Variants in CPLX2 observed in about 807,000 individuals in gnomAD.
The protein encoded by CPLX2 is complexin-2.
CPLX2 carries 5 observed loss-of-function variants against 16.3 expected under a neutral mutation model. That is an observed-to-expected ratio of 0.31 (90% CI 0.16 to 0.64). The LOEUF is 0.64. Ranked by LOEUF, CPLX2 falls within the 30% of genes least tolerant of loss-of-function variation. The pLI, the probability that CPLX2 is intolerant of heterozygous loss-of-function variation, is 0.79. For missense variants in CPLX2, 144 were observed against 181.4 expected (o/e 0.79, Z 1.18); for synonymous variants, 89 against 73.2 (o/e 1.22, Z -1.10).
At chr5:175,808,580 G>GA (rs1758255823) in intron 1 of CPLX2, among the ~76,000 whole-genome samples, 2 of 152,256 alleles carry the variant, frequency 1.3e-5, no homozygotes, top group South Asian at 4.2e-4. Flanking sequence ...CCATTTTACA[G>GA]ATGAGGACAC....
In CPLX2 at chr5:175,830,973, G is replaced by A. The variant is rs1758725485; in HGVS notation, c.-89+21905G>A. Among the ~76,000 whole-genome samples the A allele has an allele frequency of 6.6e-6, 1 of 152,236 alleles. No homozygotes were observed. The highest frequency in any genetic ancestry group is 1.5e-5 in the Non-Finnish European group (1 of 68,050). The stretch of plus-strand genomic sequence containing the variant: ...CACAGTTGTGTCAGTGCGATTGTGA[G>A]CATGGCTGGGGGTGCGCGTGTGTGC... On this transcript the variant is annotated intron_variant, in intron 2 of 4. Coordinates refer to the CPLX2 transcript ENST00000359546. This position sits in a 1 kb window ranked among gnomAD's most constrained non-coding sequence, Gnocchi z 4.0.
intron 2 of CPLX2, among the ~76,000 whole-genome samples, chr5:175,834,199 G>A (rs900036235): frequency 1.3e-5 from 2 of 152,208 alleles, no homozygotes; most frequent in Admixed American, 1.3e-4. Flanking sequence ...GTCCACAAAT[G>A]TAAAATGGGG....
In CPLX2 at chr5:175,849,912, C is replaced by T. The variant is rs1460856788; in HGVS notation, c.-88-28740C>T. On this transcript the variant is annotated intron_variant, in intron 2 of 4. Transcript: ENST00000359546. The surrounding 1 kb of genome is among the most constrained non-coding windows in gnomAD (Gnocchi z 4.4). ...TAATGGAATTGTCCCTTTGGGGGAA[C>T]GACCGTGTGACTCTGAGCATGAGAA... Among the ~76,000 whole-genome samples, 2 of 152,202 alleles carry T rather than the reference C, an allele frequency of 1.3e-5. No homozygotes were observed. The highest frequency in any genetic ancestry group is 2.1e-4 in the South Asian group (1 of 4,828).
intron 2 of CPLX2, among the ~76,000 whole-genome samples, chr5:175,847,618 C>G (rs771701622): frequency 4.6e-5 from 7 of 152,206 alleles, no homozygotes; most frequent in African/African-American, 9.7e-5. Context: ...TCAACTCAGC[C>G]CAGGGCAGGA....
At chr5:175,832,239 G>T (rs910652340) in intron 2 of CPLX2, among the ~76,000 whole-genome samples, 7 of 152,188 alleles carry the variant, frequency 4.6e-5, no homozygotes, top group South Asian at 2.1e-4. Context: ...CTATGTGCCT[G>T]GCCCTGTGCT....
chr5:175,843,493 G>A (rs910982101), intron 2 of CPLX2, among the ~76,000 whole-genome samples: 12 of 152,204 alleles, frequency 7.9e-5, no homozygotes, highest in African/African-American at 2.4e-4. Context: ...TCACAGTCAC[G>A]CACACACATA....
intron 2 of CPLX2, among the ~76,000 whole-genome samples, chr5:175,835,152 T>G (rs1456134889): frequency 6.6e-6 from 1 of 152,256 alleles, no homozygotes; most frequent in Non-Finnish European, 1.5e-5. Context: ...GTGTTGATTT[T>G]TTTTGAAAAA....
chr5:175,871,075 G>A (rs973463881), upstream of CPLX2, among the ~76,000 whole-genome samples: 6 of 152,080 alleles, frequency 3.9e-5, no homozygotes, highest in Admixed American at 3.9e-4. Flanking sequence ...GGCAGGAGCC[G>A]CAAGAAGTGC....
At chr5:175,823,697 C>T (rs1758554455) in intron 2 of CPLX2, among the ~76,000 whole-genome samples, 1 of 152,190 alleles carries the variant, frequency 6.6e-6, no homozygotes, top group South Asian at 2.1e-4. Context: ...AATCAGACAG[C>T]ACCTAAGTGA....
At chr5:175,877,332 A>G (rs939971469) in intron 1 of CPLX2, among the ~76,000 whole-genome samples, 2 of 151,888 alleles carry the variant, frequency 1.3e-5, no homozygotes, top group African/African-American at 4.8e-5. Flanking sequence ...TCATGAAATA[A>G]TCTCAGTCTA....
chr5:175,803,302 A>G (rs984930873), intron 1 of CPLX2, among the ~76,000 whole-genome samples: 18 of 152,222 alleles, frequency 1.2e-4, no homozygotes, highest in Non-Finnish European at 1.9e-4. Context: ...GAAGACGAAG[A>G]CAAGGACCAT....
chr5:175,801,760 C>T (rs886193917), intron 1 of CPLX2, among the ~76,000 whole-genome samples: 8 of 152,318 alleles, frequency 5.3e-5, no homozygotes, highest in Non-Finnish European at 5.9e-5. Flanking sequence ...TAAATAAAAA[C>T]GGAGCAAAAT....
At chr5:175,836,198 A>C (rs1758835442) in intron 2 of CPLX2, among the ~76,000 whole-genome samples, 3 of 152,052 alleles carry the variant, frequency 2.0e-5, no homozygotes, top group African/African-American at 7.2e-5. Flanking sequence ...AAAATACAAA[A>C]AATTAGCTGG....
upstream of CPLX2, among the ~76,000 whole-genome samples, chr5:175,868,495 C>T (rs1581100147): frequency 1.3e-5 from 2 of 152,162 alleles, no homozygotes; most frequent in East Asian, 3.9e-4. Flanking sequence ...AATTCAGCTC[C>T]AGTCAGGATA....
At chr5:175,831,109 T>C (rs551722973) in intron 2 of CPLX2, among the ~76,000 whole-genome samples, 3 of 152,164 alleles carry the variant, frequency 2.0e-5, no homozygotes, top group East Asian at 3.9e-4. Flanking sequence ...TCTGTGTGTG[T>C]GTGTGTGTCT....
chr5:175,868,822 G>A (rs976895557), upstream of CPLX2, among the ~76,000 whole-genome samples: 7 of 152,080 alleles, frequency 4.6e-5, no homozygotes, highest in Non-Finnish European at 7.4e-5. Context: ...GAGAGAAGCA[G>A]CCCCACGTGC....
At chr5:175,813,675 C>A (rs1326624519) in intron 2 of CPLX2, among the ~76,000 whole-genome samples, 2 of 152,236 alleles carry the variant, frequency 1.3e-5, no homozygotes, top group Non-Finnish European at 2.9e-5. Flanking sequence ...GCTGAGGTAG[C>A]ATCTCCCACA....
At chr5:175,837,413 A>C (rs1176558036) in intron 2 of CPLX2, 1 of 152,200 alleles carries the variant, frequency 6.6e-6, no homozygotes, top group Non-Finnish European at 1.5e-5. Context: ...AAATTTAAAT[A>C]CTAATAATAC....
intron 2 of CPLX2, among the ~76,000 whole-genome samples, chr5:175,816,955 C>T (rs1272898734): frequency 6.6e-6 from 1 of 152,192 alleles, no homozygotes; most frequent in African/African-American, 2.4e-5. Flanking sequence ...AAAGAAATTG[C>T]CACCTGGTCC....
Sources: gnomAD v4.1 joint callset for allele counts (sites outside exome capture counted in the v4.1 genomes callset) on GRCh38, gnomAD v4.1.1 for gene constraint, Gnocchi (gnomAD v3.1) non-coding constraint, MANE v1.5 for transcripts, NCBI Gene and HGNC (gene_info 2026-07-23, HGNC 2026-07-21) for gene names.